Variants in SEMA6D observed in about 807,000 individuals in gnomAD.
SEMA6D encodes the protein semaphorin 6D.
In SEMA6D, 35 loss-of-function variants were observed where a neutral mutation model predicts 106.6. That is an observed-to-expected ratio of 0.33 (90% CI 0.25 to 0.44). SEMA6D has a LOEUF of 0.44. Ranked by LOEUF, SEMA6D falls within the 20% of genes least tolerant of loss-of-function variation. SEMA6D has a pLI of 1.00. For synonymous variants in SEMA6D, 499 were observed against 487.7 expected, an observed-to-expected ratio of 1.02 and a Z score of -0.31; for missense variants, 1,185 against 1,345.9, an observed-to-expected ratio of 0.88 and a Z score of 1.87.
intron 1 of SEMA6D, among the ~76,000 whole-genome samples, chr15:47,248,683 AT>A (rs1298738955): frequency 1.3e-5 from 2 of 152,194 alleles, no homozygotes; most frequent in African/African-American, 4.8e-5. Context: ...TTAGAGTTTT[AT>A]TATATTATTC....
intron 11 of SEMA6D, 23 bp downstream of exon 11, chr15:47,764,328 G>C: frequency 1.2e-6 from 2 of 1,606,976 alleles, no homozygotes; most frequent in Non-Finnish European, 1.7e-6. Flanking sequence ...GTAGAAAAGG[G>C]TTTTGTCTTG....
intron 3 of SEMA6D, among the ~76,000 whole-genome samples, chr15:47,581,676 A>G (rs8039698): frequency 0.023 from 3,496 of 152,284 alleles, 133 homozygotes; most frequent in African/African-American, 0.079. Flanking sequence ...AGCAAAGGAC[A>G]GGGGGTTGGG....
At chr15:47,759,120 A>G (rs1335825801) in intron 1 of SEMA6D, among the ~76,000 whole-genome samples, 1 of 151,940 alleles carries the variant, frequency 6.6e-6, no homozygotes, top group Non-Finnish European at 1.5e-5. Flanking sequence ...AAATCATTGT[A>G]TTTCTTTTAA....
chr15:47,344,462 A>G (rs1003479046), intron 1 of SEMA6D, among the ~76,000 whole-genome samples: 11 of 152,184 alleles, frequency 7.2e-5, no homozygotes, highest in African/African-American at 2.2e-4. Flanking sequence ...GGTAGGGCCT[A>G]TGGGTGCTCC....
At chr15:47,379,668 G>A (rs1595868500) in intron 1 of SEMA6D, among the ~76,000 whole-genome samples, 1 of 152,160 alleles carries the variant, frequency 6.6e-6, no homozygotes, top group East Asian at 1.9e-4. Context: ...CATTGGAGAG[G>A]AATTTTTAAT....
chr15:47,761,096 C>A lies in SEMA6D; in HGVS notation c.282+58C>A, dbSNP rs1597047549. ...TTCCCTCTGAACCTGATTAATTTTCCCACTGCCTCCCCAAAAATGTTCGCA... is the reference window on the plus strand; with the variant it reads ...TTCCCTCTGAACCTGATTAATTTTCACACTGCCTCCCCAAAAATGTTCGCA... On this transcript the variant is annotated intron_variant, in intron 4 of 18. Transcript: ENST00000536845. The A allele has an allele frequency of 2.5e-6, 4 of 1,611,278 alleles. No individual in the cohort carries two copies. The East Asian group carries it at 9.0e-5, about 36-fold the overall frequency.
At chr15:47,197,154 T>C (rs1364558925) in intron 1 of SEMA6D, among the ~76,000 whole-genome samples, 6 of 152,306 alleles carry the variant, frequency 3.9e-5, no homozygotes, top group Middle Eastern at 3.4e-3. Context: ...ATCACTTTGG[T>C]ACTTTCAAGA....
intron 3 of SEMA6D, among the ~76,000 whole-genome samples, chr15:47,563,225 G>C (rs151061480): frequency 6.6e-6 from 1 of 152,128 alleles, no homozygotes; most frequent in South Asian, 2.1e-4. Context: ...AAATTTTATT[G>C]TGTGATGGGC....
chr15:47,323,204 G>A (rs761325309), intron 1 of SEMA6D, among the ~76,000 whole-genome samples: 1 of 152,144 alleles, frequency 6.6e-6, no homozygotes, highest in Admixed American at 6.5e-5. Flanking sequence ...CCAGGTAGTA[G>A]GAAGGAGTGT....
chr15:47,757,098 C>G (rs1159380417), intron 1 of SEMA6D, among the ~76,000 whole-genome samples: 1 of 152,076 alleles, frequency 6.6e-6, no homozygotes, highest in Non-Finnish European at 1.5e-5. Context: ...AGCAGTGATT[C>G]CATCCTCAGC....
At chr15:47,730,029 C>T (rs1452807947) in intron 1 of SEMA6D, 1 of 581,504 alleles carries the variant, frequency 1.7e-6, no homozygotes, top group Non-Finnish European at 3.0e-6. Context: ...AGTGAGATCC[C>T]TTAATGCTAT....
intron 4 of SEMA6D, among the ~76,000 whole-genome samples, chr15:47,619,324 AG>A (rs1386160021): frequency 6.6e-6 from 1 of 152,202 alleles, no homozygotes; most frequent in African/African-American, 2.4e-5. Flanking sequence ...GCAACGCAAG[AG>A]GGTGGGGTTC....
At chr15:47,234,129 G>C (rs2032390709) in intron 1 of SEMA6D, among the ~76,000 whole-genome samples, 1 of 151,840 alleles carries the variant, frequency 6.6e-6, no homozygotes, top group Admixed American at 6.6e-5. Context: ...GGGAATAAGG[G>C]TTTTGAAAAT....
intron 3 of SEMA6D, among the ~76,000 whole-genome samples, chr15:47,550,778 G>C (rs2045662161): frequency 6.6e-6 from 1 of 152,056 alleles, no homozygotes; most frequent in Admixed American, 6.6e-5. Context: ...CTGTATTATT[G>C]TCTCATTCAT....
intron 1 of SEMA6D, among the ~76,000 whole-genome samples, chr15:47,207,987 G>A (rs868142762): frequency 0.013 from 839 of 63,452 alleles, 22 homozygotes; most frequent in African/African-American, 0.044. Context: ...AGCCACTGGC[G>A]CGCGCGCACA....
intron 1 of SEMA6D, among the ~76,000 whole-genome samples, chr15:47,394,470 A>C (rs747849072): frequency 1.3e-5 from 2 of 152,148 alleles, no homozygotes; most frequent in Non-Finnish European, 2.9e-5. Flanking sequence ...GTGGCGAATT[A>C]GTTGGGGAGA....
At chr15:47,710,448 G>T (rs988045885) in intron 4 of SEMA6D, among the ~76,000 whole-genome samples, 3 of 152,184 alleles carry the variant, frequency 2.0e-5, no homozygotes, top group Non-Finnish European at 4.4e-5. Flanking sequence ...GACGAGAAAT[G>T]AATCTGTTTA....
At chr15:47,291,304 A>C (rs2035583126) in intron 1 of SEMA6D, among the ~76,000 whole-genome samples, 1 of 152,228 alleles carries the variant, frequency 6.6e-6, no homozygotes, top group Admixed American at 6.5e-5. Context: ...TAACTGGAGA[A>C]GAAACTTGGC....
intron 3 of SEMA6D, among the ~76,000 whole-genome samples, chr15:47,515,109 T>TAG (rs750092055): frequency 6.6e-6 from 1 of 152,230 alleles, no homozygotes; most frequent in African/African-American, 2.4e-5. Flanking sequence ...GCTCTTGACT[T>TAG]ACGGCTTTTT....
Sources: gnomAD v4.1 joint callset for allele counts (sites outside exome capture counted in the v4.1 genomes callset) on GRCh38, gnomAD v4.1.1 for gene constraint, MANE v1.5 for transcripts, NCBI Gene and HGNC (gene_info 2026-07-23, HGNC 2026-07-21) for gene names.